The following SHTN1 variants were observed in gnomAD, a reference collection of about 807,000 sequenced individuals.
SHTN1 encodes shootin 1, also known as shootin-1.
SHTN1 carries 42 observed loss-of-function variants against 83.1 expected under a neutral mutation model. The ratio of observed to expected loss-of-function variants is 0.51; its 90% CI spans 0.39 to 0.65. The LOEUF (loss-of-function observed/expected upper bound fraction) is 0.65, where lower values mean the gene tolerates loss of function less well. Among genes scored for constraint, SHTN1 ranks in the 30% least tolerant of loss-of-function variants. The pLI, the probability that SHTN1 is intolerant of heterozygous loss-of-function variation, is 0.00. For synonymous variants in SHTN1, 224 were observed against 247.7 expected, an observed-to-expected ratio of 0.90 and a Z score of 0.90; for missense variants, 622 against 737.8, an observed-to-expected ratio of 0.84 and a Z score of 1.82.
intron 2 of SHTN1, among the ~76,000 whole-genome samples, chr10:117,016,293 T>A (rs977427070): frequency 7.2e-5 from 11 of 152,212 alleles, no homozygotes; most frequent in African/African-American, 2.7e-4. Context: ...GTTTTATGTA[T>A]CCCAATTTGG....
At chr10:117,038,070 G>A (rs961758127) in intron 2 of SHTN1, among the ~76,000 whole-genome samples, 18 of 149,116 alleles carry the variant, frequency 1.2e-4, no homozygotes, top group Admixed American at 5.4e-4. Flanking sequence ...AATGTAAAAC[G>A]TAAAACCATA....
At chr10:116,949,626 G>A (rs1300212285) in intron 6 of SHTN1, among the ~76,000 whole-genome samples, 1 of 151,960 alleles carries the variant, frequency 6.6e-6, no homozygotes, top group African/African-American at 2.4e-5. Flanking sequence ...TAACAAACCT[G>A]CACATTGTGC....
At chr10:116,941,561 A>G (rs1262227908) in intron 8 of SHTN1, among the ~76,000 whole-genome samples, 2 of 152,226 alleles carry the variant, frequency 1.3e-5, no homozygotes, top group African/African-American at 4.8e-5. Flanking sequence ...TCACCTTTTC[A>G]GATTTTTAAC....
In SHTN1 at chr10:116,917,999, T is replaced by C. The variant is rs991776040; in HGVS notation, c.1196-2515A>G. On this transcript the variant is annotated intron_variant, in intron 12 of 16. Coordinates refer to ENST00000355371, the MANE Select transcript of SHTN1 (RefSeq NM_001127211.3). The stretch of plus-strand genomic sequence containing the variant: ...GCAAAAAGCAATCTATACGAACTTC[T>C]AAACTATTAAGCAGTTCTAATAAAT... 7.9e-5 allele frequency among the ~76,000 whole-genome samples: 12 copies of C among 152,330 alleles called. No homozygotes were observed. The South Asian group carries it at 2.5e-3, about 32-fold the overall frequency.
intron 2 of SHTN1, among the ~76,000 whole-genome samples, chr10:117,039,353 T>C (rs910343847): frequency 6.6e-6 from 1 of 152,146 alleles, no homozygotes; most frequent in Non-Finnish European, 1.5e-5. Flanking sequence ...AGGCAGAGCA[T>C]AGAGGATTTT....
At chr10:116,979,131 G>A in intron 2 of SHTN1, 125 bp downstream of exon 2, 1 of 765,412 alleles carries the variant, frequency 1.3e-6, no homozygotes, top group Non-Finnish European at 2.2e-6. Flanking sequence ...AGAGAAAAGG[G>A]AAGAAAAGAA....
In SHTN1 at chr10:117,065,615, C is replaced by T. The variant is rs909611541; in HGVS notation, c.-188-17105G>A. On this transcript the variant is annotated intron_variant, in intron 1 of 17. Transcript: ENST00000392901. ...TGCCTGTAATCCTAGCTACTCAGGA[C>T]GCTGAGGCATGAGAATTACTTGAAC... Among the ~76,000 whole-genome samples, 10 of 150,034 alleles carry T rather than the reference C, an allele frequency of 6.7e-5. No homozygotes were observed. The East Asian group carries it at 9.9e-4, about 15-fold the overall frequency.
In SHTN1 at chr10:116,946,447, TTATGTA is replaced by T. The variant is rs1394117507; in HGVS notation, c.617-1435_617-1430del. ...TATTAAATGTAAATAAATGTATAAATTATGTATATGTATATACATATGTATAAAATG... is the reference window on the plus strand; with the variant it reads ...TATTAAATGTAAATAAATGTATAAATTATGTATATACATATGTATAAAATG... On this transcript the variant is annotated intron_variant, in intron 7 of 16. Coordinates refer to ENST00000355371, the MANE Select transcript of SHTN1 (RefSeq NM_001127211.3). Among the ~76,000 whole-genome samples the T allele has an allele frequency of 6.8e-4, 99 of 145,594 alleles. 2 individuals carry two copies. The South Asian group carries it at 0.02, about 29-fold the overall frequency.
At chr10:117,095,669 T>C (rs905388854) in intron 1 of SHTN1, among the ~76,000 whole-genome samples, 1 of 152,208 alleles carries the variant, frequency 6.6e-6, no homozygotes, top group African/African-American at 2.4e-5. Context: ...AAATAGAATA[T>C]CTGAAAAAAA....
intron 1 of SHTN1, among the ~76,000 whole-genome samples, chr10:117,099,669 C>A (rs1171840062): frequency 1.3e-5 from 2 of 151,994 alleles, no homozygotes; most frequent in Admixed American, 1.3e-4. Flanking sequence ...TTAAAACATG[C>A]TAGTTTTTTC....
chr10:117,017,196 A>C (rs1852191405), intron 2 of SHTN1, among the ~76,000 whole-genome samples: 1 of 152,150 alleles, frequency 6.6e-6, no homozygotes, highest in Non-Finnish European at 1.5e-5. Context: ...TTTGAGCAAC[A>C]AAACAAATAA....
intron 16 of SHTN1, among the ~76,000 whole-genome samples, chr10:116,890,734 G>A (rs1847317849): frequency 6.6e-6 from 1 of 152,204 alleles, no homozygotes; most frequent in African/African-American, 2.4e-5. Context: ...CCCAAACGTG[G>A]GGCCTGAGCA....
intron 3 of SHTN1, among the ~76,000 whole-genome samples, chr10:116,960,848 C>T (rs550385780): frequency 6.6e-6 from 1 of 152,084 alleles, no homozygotes; most frequent in African/African-American, 2.4e-5. Context: ...TAAATTACTT[C>T]CTGAATCATA....
At chr10:116,939,243 T>C (rs555241572) in intron 9 of SHTN1, among the ~76,000 whole-genome samples, 8 of 152,332 alleles carry the variant, frequency 5.3e-5, no homozygotes, top group African/African-American at 1.7e-4. Context: ...TAGTTTGGTG[T>C]CTGCCCAAAT....
At chr10:116,989,599 T>C (rs1346393060) in intron 1 of SHTN1, among the ~76,000 whole-genome samples, 3 of 152,160 alleles carry the variant, frequency 2.0e-5, no homozygotes, top group African/African-American at 7.2e-5. Context: ...CCATATCAGC[T>C]CAGCAATGGC....
chr10:117,073,741 C>A (rs1252271100), intron 1 of SHTN1, among the ~76,000 whole-genome samples: 1 of 152,194 alleles, frequency 6.6e-6, no homozygotes, highest in African/African-American at 2.4e-5. Context: ...AGTAACTCTT[C>A]TTGAGCCCCA....
chr10:117,006,240 G>GTTT (rs11434853), upstream of SHTN1, among the ~76,000 whole-genome samples: 163 of 147,308 alleles, frequency 1.1e-3, 2 homozygotes, highest in East Asian at 0.012. Flanking sequence ...GTTTTTTTTT[G>GTTT]TTTTTTTTTT....
intron 15 of SHTN1, among the ~76,000 whole-genome samples, chr10:116,904,538 A>G (rs922858397): frequency 6.6e-6 from 1 of 152,000 alleles, no homozygotes; most frequent in Admixed American, 6.6e-5. Flanking sequence ...CTACCTCACC[A>G]ATGAGTTCTC....
chr10:116,957,169 T>C (rs913467065), intron 4 of SHTN1, among the ~76,000 whole-genome samples: 2 of 152,174 alleles, frequency 1.3e-5, no homozygotes, highest in Admixed American at 1.3e-4. Flanking sequence ...GTAATTTCAT[T>C]GTAGCTATTC....
Sources: gnomAD v4.1 joint callset for allele counts (sites outside exome capture counted in the v4.1 genomes callset) on GRCh38, gnomAD v4.1.1 for gene constraint, MANE v1.5 for transcripts, NCBI Gene and HGNC (gene_info 2026-07-23, HGNC 2026-07-21) for gene names.